STAC: variants seen among roughly 807,000 people sequenced by gnomAD.
STAC encodes SH3 and cysteine-rich domain-containing protein.
A neutral mutation model predicts 48.8 loss-of-function variants in STAC; 43 were observed. That is an observed-to-expected ratio of 0.88 (90% CI 0.69 to 1.14). The LOEUF (loss-of-function observed/expected upper bound fraction) is 1.14, where lower values mean the gene tolerates loss of function less well. STAC is among the 50% of genes most tolerant of loss of function. The pLI, the probability that STAC is intolerant of heterozygous loss-of-function variation, is 0.00. For synonymous variants in STAC, 193 were observed against 179.5 expected (o/e 1.07, Z -0.60); for missense variants, 497 against 504.0 (o/e 0.99, Z 0.13).
chr3:36,504,493 G>T (rs769589102), intron 7 of STAC, 36 bp downstream of exon 7: 1 of 1,599,120 alleles, frequency 6.3e-7, no homozygotes, highest in Non-Finnish European at 8.6e-7. Context: ...AGTCAGACAG[G>T]AGTCCTTAGA....
At position 36,397,059 on chromosome 3, in the gene STAC, G is replaced by A. The variant is rs551774392; in HGVS notation, c.111+16305G>A. 8.5e-5 allele frequency among the ~76,000 whole-genome samples: 13 copies of A among 152,254 alleles called. No individual in the cohort carries two copies. In the South Asian group the frequency reaches 2.5e-3, roughly 29 times the overall value. On this transcript the variant is annotated intron_variant, in intron 1 of 10. Coordinates refer to ENST00000273183, the MANE Select transcript of STAC (RefSeq NM_003149.3). Reference sequence around the variant, plus strand: ...AAACAAAATGGACACTGAGCCTAATGGACTATCAGAAAAGTAAACACGGTT... The same window carrying A: ...AAACAAAATGGACACTGAGCCTAATAGACTATCAGAAAAGTAAACACGGTT...
chr3:36,449,668 G>C (rs1199672659), intron 2 of STAC, among the ~76,000 whole-genome samples: 1 of 152,148 alleles, frequency 6.6e-6, no homozygotes, highest in African/African-American at 2.4e-5. Flanking sequence ...TTACTTAAAT[G>C]AAACAGTAAC....
intron 2 of STAC, chr3:36,459,390 G>C (rs1483282305): frequency 1.3e-5 from 2 of 152,144 alleles, no homozygotes; most frequent in Non-Finnish European, 2.9e-5. Context: ...GGGTATTGAA[G>C]GATGAATAGG....
At chr3:36,522,378 T>G (rs538584630) in intron 8 of STAC, among the ~76,000 whole-genome samples, 3 of 152,316 alleles carry the variant, frequency 2.0e-5, no homozygotes, top group South Asian at 4.1e-4. Context: ...ACAGCCACCA[T>G]CTAATGGGCG....
At chr3:36,392,525 TTTAC>T (rs905711860) in intron 1 of STAC, among the ~76,000 whole-genome samples, 10 of 152,120 alleles carry the variant, frequency 6.6e-5, no homozygotes, top group Non-Finnish European at 1.2e-4. Flanking sequence ...TATTTATTTA[TTTAC>T]TTACTTATTT....
intron 3 of STAC, among the ~76,000 whole-genome samples, chr3:36,483,382 G>C (rs556431054): frequency 1.3e-4 from 20 of 152,266 alleles, no homozygotes; most frequent in African/African-American, 4.3e-4. Context: ...CACATCCTGG[G>C]TCTGTTCAGG....
At chr3:36,519,149 C>T (rs182781361) in intron 8 of STAC, among the ~76,000 whole-genome samples, 251 of 152,280 alleles carry the variant, frequency 1.6e-3, no homozygotes, top group African/African-American at 5.7e-3. Context: ...CAGATAATTA[C>T]TTTAAGAGGT....
intron 2 of STAC, among the ~76,000 whole-genome samples, chr3:36,459,793 G>C (rs13060288): frequency 2.0e-5 from 3 of 152,070 alleles, no homozygotes; most frequent in African/African-American, 4.8e-5. Context: ...TGATGAAAGA[G>C]GGGGAGAATA....
intron 10 of STAC, among the ~76,000 whole-genome samples, chr3:36,532,478 C>T (rs1699095384): frequency 6.6e-6 from 1 of 152,134 alleles, no homozygotes; most frequent in South Asian, 2.1e-4. Flanking sequence ...CAAGAGCACC[C>T]GATCCTTCAT....
chr3:36,387,292 C>A (rs1699638843), intron 1 of STAC, among the ~76,000 whole-genome samples: 1 of 151,916 alleles, frequency 6.6e-6, no homozygotes, highest in Non-Finnish European at 1.5e-5. Context: ...ACATCAAAAC[C>A]AACCTAGGTT....
intron 2 of STAC, among the ~76,000 whole-genome samples, chr3:36,478,283 A>G (rs958333577): frequency 3.9e-5 from 6 of 152,200 alleles, no homozygotes; most frequent in African/African-American, 1.4e-4. Flanking sequence ...TACATGGCCA[A>G]TTTATGCCCT....
chr3:36,428,553 CT>C (rs1297020357), intron 1 of STAC, among the ~76,000 whole-genome samples: 2 of 152,066 alleles, frequency 1.3e-5, no homozygotes, highest in Admixed American at 1.3e-4. Flanking sequence ...AATAAGTGCT[CT>C]GAAGAGGAAA....
chr3:36,523,507 G>A (rs1698853823), intron 8 of STAC, among the ~76,000 whole-genome samples: 1 of 152,134 alleles, frequency 6.6e-6, no homozygotes, highest in African/African-American at 2.4e-5. Context: ...AGTAACTGGG[G>A]GCCCATCAAG....
Position 36,380,505 on chromosome 3 carries a change from G to A in STAC, c.-139G>A. 1.6e-6 allele frequency: 1 copy of A among 628,998 alleles called. No individual in the cohort carries two copies. The allele number at this position is 628,998 out of a possible 1,614,324, so 39.0% of individuals were successfully genotyped here. A position where few individuals can be genotyped will look rare whatever the true frequency, so the allele number is the denominator to read the frequency against. On this transcript the variant is annotated 5_prime_UTR_variant, in exon 1 of 11. Coordinates refer to ENST00000273183, the MANE Select transcript of STAC (RefSeq NM_003149.3). ...GGAGGGAGAGGGAGCGAGGCTGGAG[G>A]AGGGCACGTCGGCGCCTCGGCGAGG...
chr3:36,448,181 TTATTTTA>T (rs1696570998), intron 2 of STAC, among the ~76,000 whole-genome samples: 1 of 79,770 alleles, frequency 1.3e-5, no homozygotes, highest in Non-Finnish European at 3.3e-5. Context: ...TTATTTTATT[TTATTTTA>T]CTTTATTTTA....
chr3:36,444,943 C>T (rs368328085), intron 2 of STAC, among the ~76,000 whole-genome samples: 1 of 152,286 alleles, frequency 6.6e-6, no homozygotes, highest in East Asian at 1.9e-4. Flanking sequence ...ATACTTCAGA[C>T]ACTTCAGCCT....
intron 2 of STAC, among the ~76,000 whole-genome samples, chr3:36,447,003 T>C (rs870445): frequency 0.6 from 91,744 of 151,966 alleles, 27,881 homozygotes; most frequent in Non-Finnish European, 0.62. Flanking sequence ...GGGTGTCTTA[T>C]GAAAGGGATT....
chr3:36,416,725 T>A (rs756200693), intron 1 of STAC, among the ~76,000 whole-genome samples: 1 of 152,178 alleles, frequency 6.6e-6, no homozygotes, highest in Non-Finnish European at 1.5e-5. Flanking sequence ...GGCCCAATCA[T>A]TGTCTTCTCT....
intron 2 of STAC, among the ~76,000 whole-genome samples, chr3:36,467,068 T>C (rs1339726522): frequency 6.6e-6 from 1 of 152,160 alleles, no homozygotes; most frequent in East Asian, 1.9e-4. Context: ...TGCTGGATTT[T>C]GTCAAATGCA....
Sources: gnomAD v4.1 joint callset for allele counts (sites outside exome capture counted in the v4.1 genomes callset) on GRCh38, gnomAD v4.1.1 for gene constraint, MANE v1.5 for transcripts, NCBI Gene and HGNC (gene_info 2026-07-23, HGNC 2026-07-21) for gene names.